GAB4: variants seen among roughly 807,000 people sequenced by gnomAD.
The protein encoded by GAB4 is GRB2 associated binding protein family member 4, also known as GRB2-associated-binding protein 4.
In GAB4, 26 loss-of-function variants were observed where a neutral mutation model predicts 51.3. The observed-to-expected ratio is 0.51, with a 90% CI of 0.37 to 0.70. GAB4 has a LOEUF of 0.70. GAB4 is among the 30% of genes least tolerant of loss of function. The pLI is 0.00. For missense variants in GAB4, 759 were observed against 734.6 expected (o/e 1.03, Z -0.38); for synonymous variants, 329 against 291.2 (o/e 1.13, Z -1.32).
intron 3 of GAB4, among the ~76,000 whole-genome samples, chr22:16,984,441 C>A (rs1204378829): frequency 5.3e-5 from 8 of 152,212 alleles, no homozygotes; most frequent in Non-Finnish European, 1.5e-5. Context: ...AGCAATCTCA[C>A]TGCTGGGTAT....
At chr22:17,004,034 A>G (rs936831984) in intron 1 of GAB4, among the ~76,000 whole-genome samples, 1 of 152,246 alleles carries the variant, frequency 6.6e-6, no homozygotes, top group African/African-American at 2.4e-5. Context: ...ATCAGAGAAT[A>G]CTATAAACAC....
Sources: allele counts gnomAD v4.1 joint callset (sites outside exome capture counted in the v4.1 genomes callset), GRCh38; gene constraint gnomAD v4.1.1; transcripts MANE v1.5; gene names NCBI Gene and HGNC (gene_info 2026-07-23, HGNC 2026-07-21).